Variants in SBF2 observed in about 807,000 individuals in gnomAD.
SBF2 encodes the protein SET binding factor 2.
A neutral mutation model predicts 225.2 loss-of-function variants in SBF2; 112 were observed. The observed-to-expected ratio is 0.50, with a 90% CI of 0.43 to 0.58. SBF2 has a LOEUF of 0.58. Among genes scored for constraint, SBF2 ranks in the 20% least tolerant of loss-of-function variants. The pLI is 0.00. For synonymous variants in SBF2, 763 were observed against 773.3 expected, an observed-to-expected ratio of 0.99 and a Z score of 0.22; for missense variants, 1,996 against 2,206.2, an observed-to-expected ratio of 0.90 and a Z score of 1.91.
chr11:10,193,441 G>A (rs1008395030), intron 2 of SBF2, among the ~76,000 whole-genome samples: 13 of 141,922 alleles, frequency 9.2e-5, no homozygotes, highest in Admixed American at 8.5e-4. Context: ...TGCAAGCTCC[G>A]CCTCCCGGGT....
chr11:10,177,400 T>C (rs961855229), intron 2 of SBF2, among the ~76,000 whole-genome samples: 4 of 148,100 alleles, frequency 2.7e-5, no homozygotes, highest in Non-Finnish European at 6.0e-5. Context: ...GGAAGTCAAA[T>C]TGTCCCTGTT....
At chr11:10,176,497 G>C (rs1321134541) in intron 2 of SBF2, among the ~76,000 whole-genome samples, 1 of 151,634 alleles carries the variant, frequency 6.6e-6, no homozygotes. Context: ...AATAAAAAAT[G>C]ATAAAGGGGA....
At chr11:10,080,356 C>G (rs1480590451) in intron 2 of SBF2, among the ~76,000 whole-genome samples, 1 of 150,306 alleles carries the variant, frequency 6.7e-6, no homozygotes, top group Non-Finnish European at 1.5e-5. Context: ...TGGAATTCAT[C>G]ACCACTAGAC....
At chr11:9,895,297 T>C (rs912745662) in intron 17 of SBF2, among the ~76,000 whole-genome samples, 10 of 152,236 alleles carry the variant, frequency 6.6e-5, no homozygotes, top group African/African-American at 2.4e-4. Context: ...TGTTTATGAT[T>C]GCATATTTCA....
At chr11:10,280,316 T>C (rs1963317801) in intron 1 of SBF2, among the ~76,000 whole-genome samples, 1 of 152,208 alleles carries the variant, frequency 6.6e-6, no homozygotes, top group Non-Finnish European at 1.5e-5. Context: ...TACATGTGCT[T>C]GAGACCCCCA....
intron 2 of SBF2, among the ~76,000 whole-genome samples, chr11:10,073,260 T>C (rs1950965314): frequency 6.6e-6 from 1 of 152,192 alleles, no homozygotes; most frequent in South Asian, 2.1e-4. Flanking sequence ...AGTTATGTGT[T>C]TCCTATATCC....
intron 16 of SBF2, among the ~76,000 whole-genome samples, chr11:9,949,373 T>A (rs990511423): frequency 6.6e-6 from 1 of 152,150 alleles, no homozygotes; most frequent in African/African-American, 2.4e-5. Context: ...ATAGTAAGCA[T>A]CTTTGTCTTG....
chr11:9,882,610 C>A (rs539311617), intron 17 of SBF2, among the ~76,000 whole-genome samples: 2 of 151,938 alleles, frequency 1.3e-5, no homozygotes, highest in Non-Finnish European at 2.9e-5. Context: ...AGATCGAGAC[C>A]ATCCTGGCTA....
intron 17 of SBF2, among the ~76,000 whole-genome samples, chr11:9,861,708 A>G (rs1412971755): frequency 6.6e-6 from 1 of 151,428 alleles, no homozygotes; most frequent in Non-Finnish European, 1.5e-5. Flanking sequence ...GGTTTTCACT[A>G]TGTTGCCCAG....
Position 9,993,936 on chromosome 11 carries a change from G to T in SBF2, c.1038C>A (p.Ser346=). The change falls in exon 10 of 40, where the codon TCC becomes TCA. Residue 346 remains serine (S), a synonymous_variant. Coordinates refer to ENST00000256190, the MANE Select transcript of SBF2 (RefSeq NM_030962.4). Reference sequence around the variant, plus strand: ...AACTTCTTACCAGCATTTTTGAGTGGGATAAAGCTGTTCGTGGAGGAGGAA... The same window carrying T: ...AACTTCTTACCAGCATTTTTGAGTGTGATAAAGCTGTTCGTGGAGGAGGAA... The part of the protein sequence containing the change: ...HAFPPPRTAL[S]HSKMLDKEVR... 1 of 1,294,224 alleles carries T rather than the reference G, an allele frequency of 7.7e-7. No individual in the cohort carries two copies. Among genetic ancestry groups the T allele is most frequent in the Non-Finnish European group, 1.1e-6 (1 of 888,008 alleles). The allele number at this position is 1,294,224 out of a possible 1,614,324, so 80.2% of individuals were successfully genotyped here.
intron 6 of SBF2, among the ~76,000 whole-genome samples, chr11:10,010,902 C>A (rs1327927152): frequency 6.6e-6 from 1 of 152,106 alleles, no homozygotes; most frequent in Non-Finnish European, 1.5e-5. Context: ...TTTTTGTCCT[C>A]TCCTATGTCC....
chr11:10,217,855 G>T (rs1958186352), intron 1 of SBF2, among the ~76,000 whole-genome samples: 1 of 152,070 alleles, frequency 6.6e-6, no homozygotes, highest in African/African-American at 2.4e-5. Context: ...ACATGGCTGG[G>T]GAGGCCTCAC....
In SBF2 at chr11:10,098,491, A is replaced by G. The variant is rs1425451395; in HGVS notation, c.142-55510T>C. On this transcript the variant is annotated intron_variant, in intron 2 of 39. Coordinates refer to ENST00000256190, the MANE Select transcript of SBF2 (RefSeq NM_030962.4). ...AAGGAAAATTAAAAAAAAAAAAACA[A>G]AGAAATATGATACCACCAAAGAAAC... Among the ~76,000 whole-genome samples the G allele has an allele frequency of 2.0e-5, 3 of 151,930 alleles. No individual in the cohort carries two copies. In the South Asian group the frequency reaches 6.2e-4, roughly 32 times the overall value.
chr11:9,872,743 C>T (rs1400937744), intron 17 of SBF2, among the ~76,000 whole-genome samples: 1 of 151,988 alleles, frequency 6.6e-6, no homozygotes, highest in Non-Finnish European at 1.5e-5. Context: ...TGGCTGGGTG[C>T]AATGGCTCAC....
rs570648992 is a variant in SBF2, at chr11:10,258,955, G to A, written c.55+35060C>T. Among the ~76,000 whole-genome samples, 3 of 152,240 alleles carry A rather than the reference G, an allele frequency of 2.0e-5. No homozygotes were observed. In the South Asian group the frequency reaches 6.2e-4, roughly 32 times the overall value. ...GGCCAACAGAAAAAATGAGGGGCAG[G>A]GAACAGAGAAGGCATAGAGAAAAGT... On this transcript the variant is annotated intron_variant, in intron 1 of 39. Transcript: ENST00000256190.
chr11:10,255,873 A>C (rs1384445105), intron 1 of SBF2, among the ~76,000 whole-genome samples: 1 of 152,248 alleles, frequency 6.6e-6, no homozygotes, highest in African/African-American at 2.4e-5. Context: ...TGAGGAAACT[A>C]TGTCAAAACA....
chr11:10,093,650 T>A (rs1951878329), intron 2 of SBF2, among the ~76,000 whole-genome samples: 1 of 152,184 alleles, frequency 6.6e-6, no homozygotes, highest in South Asian at 2.1e-4. Flanking sequence ...AAGCAATAAA[T>A]AATAGATATG....
At chr11:10,151,114 T>A (rs1955162488) in intron 2 of SBF2, among the ~76,000 whole-genome samples, 1 of 152,204 alleles carries the variant, frequency 6.6e-6, no homozygotes, top group Non-Finnish European at 1.5e-5. Flanking sequence ...AAATCTTATA[T>A]TCCAAAATAC....
chr11:9,783,929 G>A (rs1226229612), intron 38 of SBF2, among the ~76,000 whole-genome samples: 1 of 152,202 alleles, frequency 6.6e-6, no homozygotes, highest in Non-Finnish European at 1.5e-5. Flanking sequence ...GATGCTTTCT[G>A]CTGCGAGGAC....
Sources: allele counts gnomAD v4.1 joint callset (sites outside exome capture counted in the v4.1 genomes callset), GRCh38; gene constraint gnomAD v4.1.1; transcripts MANE v1.5; gene names NCBI Gene and HGNC (gene_info 2026-07-23, HGNC 2026-07-21).